PSPC1: variants seen among roughly 807,000 people sequenced by gnomAD.
PSPC1 encodes paraspeckle protein 1.
PSPC1 carries 14 observed loss-of-function variants against 51.6 expected under a neutral mutation model. That is an observed-to-expected ratio of 0.27 (90% CI 0.18 to 0.42). The LOEUF (loss-of-function observed/expected upper bound fraction) is 0.42, where lower values mean the gene tolerates loss of function less well. Among genes scored for constraint, PSPC1 ranks in the 10% least tolerant of loss-of-function variants. The pLI is 1.00. For synonymous variants in PSPC1, 193 were observed against 231.9 expected (o/e 0.83, Z 1.53); for missense variants, 406 against 701.1 (o/e 0.58, Z 4.75).
intron 5 of PSPC1, among the ~76,000 whole-genome samples, chr13:19,732,198 T>C (rs1165520481): frequency 6.6e-6 from 1 of 152,204 alleles, no homozygotes; most frequent in Non-Finnish European, 1.5e-5. Context: ...AAGATTGTTG[T>C]CTTACTCTCT....
At chr13:19,771,679 G>A (rs184101614) in intron 2 of PSPC1, among the ~76,000 whole-genome samples, 257 of 152,002 alleles carry the variant, frequency 1.7e-3, no homozygotes, top group African/African-American at 6.1e-3. Flanking sequence ...GGAGTGCAGT[G>A]GCATGATCTC....
chr13:19,779,687 G>A (rs1406947575), intron 1 of PSPC1, among the ~76,000 whole-genome samples: 2 of 111,078 alleles, frequency 1.8e-5, no homozygotes, highest in Admixed American at 1.6e-4. Context: ...GGAGGTGGGG[G>A]GGTCAGCCCC....
chr13:19,688,344 G>A (rs565498676), intron 6 of PSPC1, among the ~76,000 whole-genome samples: 16 of 151,678 alleles, frequency 1.1e-4, no homozygotes, highest in South Asian at 6.3e-4. Context: ...CCTGTCACAC[G>A]ATGCTCCCAA....
intron 4 of PSPC1, among the ~76,000 whole-genome samples, chr13:19,749,637 C>CTT (rs59422281): frequency 0.086 from 11,881 of 138,234 alleles, 618 homozygotes; most frequent in Middle Eastern, 0.14. Flanking sequence ...GACAGTTTAT[C>CTT]TTTTTTTTTT....
At position 19,709,466 on chromosome 13, in the gene PSPC1, T is replaced by C. The variant is rs1329335091; in HGVS notation, c.1216+76A>G. ...TCTGTATTTTAGTTTCTTACTGATA[T>C]GTAGATACCACAAACAGCATAAACA... On this transcript the variant is annotated intron_variant, in intron 7 of 8. Coordinates refer to ENST00000338910, the MANE Select transcript of PSPC1 (RefSeq NM_001354909.2). The C allele has an allele frequency of 2.3e-5, 27 of 1,164,154 alleles. No individual in the cohort carries two copies. In the South Asian group the frequency reaches 3.7e-4, roughly 16 times the overall value. 72.1% of individuals were successfully genotyped at this position (1,164,154 alleles called of 1,614,324 possible). A position where few individuals can be genotyped will look rare whatever the true frequency, so the allele number is the denominator to read the frequency against.
At chr13:19,736,479 C>T (rs553512956) in intron 5 of PSPC1, among the ~76,000 whole-genome samples, 45 of 152,006 alleles carry the variant, frequency 3.0e-4, no homozygotes, top group East Asian at 1.2e-3. Flanking sequence ...GTCAGCAGAT[C>T]GAGACCATCC....
At chr13:19,678,256 C>CCGTATTCCACTTGTACCAAGGCAGGG (rs1876884266) in intron 6 of PSPC1, 1 of 159,572 alleles carries the variant, frequency 6.3e-6, no homozygotes, top group African/African-American at 2.4e-5. Flanking sequence ...GTCTGCAAAA[C>CCGTATTCCACTTGTACCAAGGCAGGG]CGTATTCCAC....
chr13:19,682,759 C>T (rs1877414104), intron 6 of PSPC1, among the ~76,000 whole-genome samples: 1 of 152,072 alleles, frequency 6.6e-6, no homozygotes, highest in South Asian at 2.1e-4. Flanking sequence ...TTCTAAGAAA[C>T]ATATTAATAG....
intron 7 of PSPC1, among the ~76,000 whole-genome samples, chr13:19,707,451 C>A (rs1188151859): frequency 5.3e-5 from 8 of 152,164 alleles, no homozygotes; most frequent in African/African-American, 1.9e-4. Context: ...AAATCTGCTG[C>A]CACTTTCCAT....
At chr13:19,754,627 A>C (rs1320715781) in intron 3 of PSPC1, among the ~76,000 whole-genome samples, 4 of 150,526 alleles carry the variant, frequency 2.7e-5, no homozygotes, top group African/African-American at 9.8e-5. Context: ...TTTAGTAGAG[A>C]CAGGGTTTCA....
chr13:19,726,710 T>A (rs1434379138), intron 6 of PSPC1, among the ~76,000 whole-genome samples: 1 of 152,116 alleles, frequency 6.6e-6, no homozygotes, highest in Admixed American at 6.6e-5. Flanking sequence ...GGGCAACATA[T>A]CAAGACCCCA....
At chr13:19,730,071 T>G (rs1883856896) in intron 6 of PSPC1, among the ~76,000 whole-genome samples, 168 bp downstream of exon 6, 2 of 152,184 alleles carry the variant, frequency 1.3e-5, no homozygotes, top group African/African-American at 4.8e-5. Context: ...AGAAACTAAT[T>G]TTACTTTACC....
intron 6 of PSPC1, chr13:19,678,140 C>T (rs1417453022): frequency 1.1e-5 from 3 of 275,440 alleles, no homozygotes; most frequent in Non-Finnish European, 2.1e-5. Flanking sequence ...GGCTAAGTCC[C>T]TCCTTATTTC....
At chr13:19,758,704 G>A (rs1366761507) in intron 3 of PSPC1, among the ~76,000 whole-genome samples, 5 of 151,634 alleles carry the variant, frequency 3.3e-5, no homozygotes, top group South Asian at 2.1e-4. Context: ...GCGTGGTGGC[G>A]CACACCTGTA....
intron 8 of PSPC1, among the ~76,000 whole-genome samples, chr13:19,703,752 A>C (rs912613564): frequency 6.6e-6 from 1 of 152,176 alleles, no homozygotes; most frequent in African/African-American, 2.4e-5. Flanking sequence ...CAGAGAAATA[A>C]AACTGGGGAG....
At chr13:19,756,909 C>G (rs1024304564) in intron 3 of PSPC1, among the ~76,000 whole-genome samples, 1 of 151,446 alleles carries the variant, frequency 6.6e-6, no homozygotes, top group South Asian at 2.1e-4. Context: ...GCAGGCGGAT[C>G]ACAAGGTCAG....
At chr13:19,678,479 A>G (rs1876910132) in intron 6 of PSPC1, 1 of 152,218 alleles carries the variant, frequency 6.6e-6, no homozygotes, top group African/African-American at 2.4e-5. Flanking sequence ...TGGGACACAT[A>G]AACATACAGC....
chr13:19,752,662 T>C (rs1041481803), intron 3 of PSPC1, among the ~76,000 whole-genome samples: 1 of 152,090 alleles, frequency 6.6e-6, no homozygotes, highest in Admixed American at 6.6e-5. Flanking sequence ...CTCAGCTCAC[T>C]GCAACCTTCG....
intron 6 of PSPC1, among the ~76,000 whole-genome samples, chr13:19,695,552 TTAGCAACAGATCAAATA>T (rs1010752466): frequency 4.6e-4 from 70 of 152,262 alleles, no homozygotes; most frequent in African/African-American, 1.6e-3. Flanking sequence ...AATCTACATA[TTAGCAACAGATCAAATA>T]TAAAGTTCTA....
Sources: allele counts gnomAD v4.1 joint callset (sites outside exome capture counted in the v4.1 genomes callset), GRCh38; gene constraint gnomAD v4.1.1; transcripts MANE v1.5; gene names NCBI Gene and HGNC (gene_info 2026-07-23, HGNC 2026-07-21).